The following NKAIN2 variants were observed in gnomAD, a reference collection of about 807,000 sequenced individuals.
NKAIN2 encodes the protein sodium/potassium-transporting ATPase subunit beta-1-interacting protein 2.
Under a neutral mutation model 32.6 loss-of-function variants are expected in NKAIN2, and 14 were observed. The ratio of observed to expected loss-of-function variants is 0.43; its 90% CI spans 0.28 to 0.67. NKAIN2 has a LOEUF of 0.67. Ranked by LOEUF, NKAIN2 falls within the 30% of genes least tolerant of loss-of-function variation. The probability of loss-of-function intolerance (pLI) is 0.17; values close to 1 mark genes in which losing one functional copy is unlikely to be tolerated. For missense variants in NKAIN2, 198 were observed against 258.3 expected, an observed-to-expected ratio of 0.77 and a Z score of 1.60; for synonymous variants, 80 against 87.2, an observed-to-expected ratio of 0.92 and a Z score of 0.46.
intron 3 of NKAIN2, among the ~76,000 whole-genome samples, chr6:124,629,008 G>C (rs114449450): frequency 3.5e-3 from 531 of 152,210 alleles, no homozygotes; most frequent in African/African-American, 0.012. Context: ...AGTGTGCCCA[G>C]TCGTTTTTGC....
At chr6:124,624,344 G>C (rs1362794090) in intron 3 of NKAIN2, among the ~76,000 whole-genome samples, 1 of 152,112 alleles carries the variant, frequency 6.6e-6, no homozygotes, top group Non-Finnish European at 1.5e-5. Context: ...GAACACTGGG[G>C]TAAGATCTGG....
At chr6:123,830,879 T>G (rs7760898) in intron 1 of NKAIN2, among the ~76,000 whole-genome samples, 9,041 of 152,270 alleles carry the variant, frequency 0.059, 397 homozygotes, top group African/African-American at 0.13. Flanking sequence ...GAATGAATGA[T>G]TTTGTATATC....
At chr6:124,123,952 G>T (rs1167885367) in intron 1 of NKAIN2, among the ~76,000 whole-genome samples, 1 of 152,064 alleles carries the variant, frequency 6.6e-6, no homozygotes, top group Non-Finnish European at 1.5e-5. Flanking sequence ...TTATCATAAT[G>T]CAGGATACTG....
At chr6:124,105,805 A>G (rs1431120375) in intron 1 of NKAIN2, among the ~76,000 whole-genome samples, 1 of 152,232 alleles carries the variant, frequency 6.6e-6, no homozygotes, top group Non-Finnish European at 1.5e-5. Context: ...GAGGGAATTC[A>G]TAAGGACAGA....
At chr6:124,078,080 T>G (rs1340507826) in intron 1 of NKAIN2, among the ~76,000 whole-genome samples, 3 of 152,176 alleles carry the variant, frequency 2.0e-5, no homozygotes, top group Non-Finnish European at 2.9e-5. Context: ...GGATATGTAT[T>G]GTGGGAATAA....
chr6:123,804,819 A>G (rs192080386), intron 1 of NKAIN2, among the ~76,000 whole-genome samples: 1 of 152,326 alleles, frequency 6.6e-6, no homozygotes, highest in African/African-American at 2.4e-5. Flanking sequence ...TTTTTAAAGT[A>G]TGCAGATTGA....
intron 3 of NKAIN2, among the ~76,000 whole-genome samples, chr6:124,609,417 G>GAGAAAT (rs113510669): frequency 0.21 from 31,768 of 151,928 alleles, 3,519 homozygotes; most frequent in African/African-American, 0.29. Flanking sequence ...TCGGGATGAA[G>GAGAAAT]TGTAGCATCT....
At chr6:124,183,659 A>G (rs1789565285) in intron 1 of NKAIN2, among the ~76,000 whole-genome samples, 1 of 152,156 alleles carries the variant, frequency 6.6e-6, no homozygotes, top group African/African-American at 2.4e-5. Context: ...ATCCTTTGAT[A>G]GTTTTCAAGG....
chr6:124,572,836 AT>A (rs1332712169), intron 3 of NKAIN2, among the ~76,000 whole-genome samples: 1 of 150,256 alleles, frequency 6.7e-6, no homozygotes, highest in Non-Finnish European at 1.5e-5. Context: ...TATATTTGTT[AT>A]TTTATTTATT....
At chr6:124,417,654 A>G (rs943494199) in intron 3 of NKAIN2, among the ~76,000 whole-genome samples, 4 of 152,144 alleles carry the variant, frequency 2.6e-5, no homozygotes, top group African/African-American at 9.7e-5. Flanking sequence ...CTTCTACTCT[A>G]TGTTTTGTGA....
At chr6:124,387,650 G>A (rs543394759) in intron 3 of NKAIN2, among the ~76,000 whole-genome samples, 19 of 152,036 alleles carry the variant, frequency 1.2e-4, no homozygotes, top group African/African-American at 2.7e-4. Flanking sequence ...CAAATCCAGC[G>A]TGCTACCAGC....
At chr6:124,103,280 G>C (rs1179711466) in intron 1 of NKAIN2, among the ~76,000 whole-genome samples, 1 of 152,112 alleles carries the variant, frequency 6.6e-6, no homozygotes, top group Non-Finnish European at 1.5e-5. Flanking sequence ...CTGAAAAATA[G>C]AGCGTGAATC....
chr6:123,976,955 T>C (rs62435600), intron 1 of NKAIN2, among the ~76,000 whole-genome samples: 96,061 of 151,260 alleles, frequency 0.64, 30,943 homozygotes, highest in East Asian at 0.83. Context: ...ACCTGATAAT[T>C]TTATCCAGGT....
intron 1 of NKAIN2, 50 bp downstream of exon 1, chr6:123,804,304 G>A: frequency 1.4e-6 from 2 of 1,474,038 alleles, no homozygotes; most frequent in Non-Finnish European, 1.9e-6. Flanking sequence ...TTGAGATAGT[G>A]GGCAGGGGAG....
intron 4 of NKAIN2, among the ~76,000 whole-genome samples, chr6:124,737,290 A>G (rs1341227309): frequency 6.6e-6 from 1 of 151,786 alleles, no homozygotes; most frequent in East Asian, 2.0e-4. Flanking sequence ...TGATAAGTCA[A>G]TGAGTTCTCA....
Position 123,970,836 on chromosome 6 carries a change from C to G in NKAIN2, c.54+166582C>G, listed in dbSNP as rs577447193. Among the ~76,000 whole-genome samples, 6 of 151,926 alleles carry G rather than the reference C, an allele frequency of 3.9e-5. No homozygotes were observed. In the South Asian group the frequency reaches 1.0e-3, roughly 26 times the overall value. On this transcript the variant is annotated intron_variant, in intron 1 of 6. Coordinates refer to ENST00000368417, the MANE Select transcript of NKAIN2 (RefSeq NM_001040214.3). ...GGCGGAGGTTGCTGTGAGCTGAGAT[C>G]GCGCCACTGCACTCCAGCCTGGTCG...
intron 3 of NKAIN2, among the ~76,000 whole-genome samples, chr6:124,444,305 G>C (rs1386722866): frequency 6.6e-6 from 1 of 151,952 alleles, no homozygotes; most frequent in Non-Finnish European, 1.5e-5. Context: ...ATGTTTATTA[G>C]TATCTGGCAC....
At chr6:124,008,290 C>A (rs1281638779) in intron 1 of NKAIN2, among the ~76,000 whole-genome samples, 1 of 152,080 alleles carries the variant, frequency 6.6e-6, no homozygotes, top group Non-Finnish European at 1.5e-5. Flanking sequence ...TTTTTATTTT[C>A]CTAGCAACGA....
At chr6:124,777,747 A>C (rs1201449022) in intron 4 of NKAIN2, among the ~76,000 whole-genome samples, 4 of 152,116 alleles carry the variant, frequency 2.6e-5, no homozygotes, top group Admixed American at 2.6e-4. Flanking sequence ...TCACAAACAA[A>C]TTCTAGCTGA....
Sources: allele counts gnomAD v4.1 joint callset (sites outside exome capture counted in the v4.1 genomes callset), GRCh38; gene constraint gnomAD v4.1.1; transcripts MANE v1.5; gene names NCBI Gene and HGNC (gene_info 2026-07-23, HGNC 2026-07-21).